BSCL2: variants seen among roughly 807,000 people sequenced by gnomAD.
The protein encoded by BSCL2 is BSCL2 lipid droplet biogenesis associated, seipin, also known as seipin.
A neutral mutation model predicts 57.4 loss-of-function variants in BSCL2; 41 were observed. The observed-to-expected ratio is 0.71, with a 90% CI of 0.56 to 0.93. BSCL2 has a LOEUF of 0.93. Among genes scored for constraint, BSCL2 ranks in the 40% least tolerant of loss-of-function variants. The probability of loss-of-function intolerance (pLI) is 0.00; values close to 1 mark genes in which losing one functional copy is unlikely to be tolerated. For missense variants in BSCL2, 539 were observed against 586.7 expected, an observed-to-expected ratio of 0.92 and a Z score of 0.84; for synonymous variants, 237 against 227.3, an observed-to-expected ratio of 1.04 and a Z score of -0.38.
Position 62,705,398 on chromosome 11 carries a change from G to A in BSCL2, c.307C>T (p.Leu103Phe). Residue 103 changes from leucine to phenylalanine, a missense_variant, in exon 2 of 11, where the codon CTC (leucine) becomes TTC (phenylalanine). Leu to Phe is a conservative substitution (Grantham distance 22). Transcript: ENST00000360796. Reference protein sequence around the residue: ...LQFGVLFCTILLLLWVSVFLY... With the variant: ...LQFGVLFCTIFLLLWVSVFLY... ...AAGACAGACACCCAGAGCAAAAGGA[G>A]GATGGTGCAGAAGAGCACCCCAAAC... 1.2e-6 allele frequency: 2 copies of A among 1,614,206 alleles called. No individual in the cohort carries two copies. Among genetic ancestry groups the A allele is most frequent in the Non-Finnish European group, 1.7e-6 (2 of 1,180,018 alleles).
At chr11:62,699,150 G>A (rs930848966) in intron 3 of BSCL2, among the ~76,000 whole-genome samples, 12 of 151,380 alleles carry the variant, frequency 7.9e-5, no homozygotes, top group East Asian at 1.9e-4. Flanking sequence ...TGATCCGCCC[G>A]CCTCGGCCTC....
intron 3 of BSCL2, among the ~76,000 whole-genome samples, chr11:62,697,115 C>T (rs1945491891): frequency 6.6e-6 from 1 of 152,106 alleles, no homozygotes; most frequent in Non-Finnish European, 1.5e-5. Flanking sequence ...TCCATGCCGG[C>T]CGGGCGCGGT....
intron 1 of BSCL2, chr11:62,706,098 C>T (rs1241463404): frequency 1.5e-5 from 8 of 518,688 alleles, no homozygotes; most frequent in African/African-American, 1.5e-4. Context: ...AGCTCGCTCA[C>T]CGACACGGCT....
Position 62,690,522 on chromosome 11 carries a change from C to T in BSCL2, c.1235-1G>A. ...GCTGCATCTTCCCAGGAGCCTGAAC[C>T]TGGGCCAGGAAAGGGAAAAACAAAA... On this transcript the variant is annotated splice_acceptor_variant, in intron 10 of 10. Coordinates refer to ENST00000360796, the MANE Select transcript of BSCL2 (RefSeq NM_001122955.4). LOFTEE classifies it high-confidence loss of function. The T allele has an allele frequency of 6.2e-7, 1 of 1,614,152 alleles. No homozygotes were observed. The highest frequency in any genetic ancestry group is 8.5e-7 in the Non-Finnish European group (1 of 1,180,016).
At chr11:62,697,273 T>C (rs1016862135) in intron 3 of BSCL2, among the ~76,000 whole-genome samples, 1 of 149,018 alleles carries the variant, frequency 6.7e-6, no homozygotes, top group Non-Finnish European at 1.5e-5. Context: ...TGGGCGCCTG[T>C]AGTCCCAGCT....
chr11:62,700,773 TGAAAC>T (rs1945614732), intron 3 of BSCL2, among the ~76,000 whole-genome samples: 1 of 152,096 alleles, frequency 6.6e-6, no homozygotes, highest in Non-Finnish European at 1.5e-5. Context: ...ACCAACATGG[TGAAAC>T]CCTGTCTCTG....
At chr11:62,691,485 T>C in intron 6 of BSCL2, 64 bp from the exon 7 acceptor site, 1 of 1,579,832 alleles carries the variant, frequency 6.3e-7, no homozygotes, top group South Asian at 1.1e-5. Flanking sequence ...CCTTCTCATG[T>C]CCCAGAAATA....
At position 62,705,330 on chromosome 11, in the gene BSCL2, G is replaced by A; in HGVS notation, c.375C>T (p.Ser125=). ...AGTAGAAATGCACAGGGCTGAGGTG[G>A]CTGACTGTCGGCATATAGGAATAGT... The part of the protein sequence containing the change: ...SFYYSYMPTV[S]HLSPVHFYYR... The change falls in exon 2 of 11, where the codon AGC becomes AGT. Residue 125 remains serine, a synonymous_variant. Coordinates refer to ENST00000360796, the MANE Select transcript of BSCL2 (RefSeq NM_001122955.4). The A allele has an allele frequency of 6.2e-7, 1 of 1,613,422 alleles. No individual in the cohort carries two copies. The highest frequency in any genetic ancestry group is 1.7e-5 in the Admixed American group (1 of 59,854).
chr11:62,699,772 G>A (rs1434370442), intron 3 of BSCL2, among the ~76,000 whole-genome samples: 3 of 145,960 alleles, frequency 2.1e-5, no homozygotes, highest in Admixed American at 7.0e-5. Context: ...TCCACCTCCC[G>A]GGTTCAAGCA....
chr11:62,693,424 A>C (rs1386573655), intron 4 of BSCL2, among the ~76,000 whole-genome samples: 1 of 152,062 alleles, frequency 6.6e-6, no homozygotes, highest in Admixed American at 6.6e-5. Flanking sequence ...GAATCGCTTG[A>C]ACCCAGGAGG....
At chr11:62,708,219 A>G (rs545380493), upstream of BSCL2, 1,042 of 923,242 alleles carry the variant, frequency 1.1e-3, 1 homozygote, top group Non-Finnish European at 1.6e-3. Context: ...ACAGCCTTGT[A>G]AAGGTTGGTG....
intron 1 of BSCL2, 142 bp from the exon 2 acceptor site, chr11:62,705,759 G>T: frequency 1.2e-6 from 1 of 845,112 alleles, no homozygotes; most frequent in Non-Finnish European, 1.8e-6. Context: ...TTCTCCAAAT[G>T]ATTGTGCCAC....
At chr11:62,703,347 GTTTTTT>G (rs541712297) in intron 2 of BSCL2, among the ~76,000 whole-genome samples, 1 of 68,774 alleles carries the variant, frequency 1.5e-5, no homozygotes, top group Non-Finnish European at 2.7e-5. Flanking sequence ...ATGCATATAC[GTTTTTT>G]TTTTTTTTTT....
At chr11:62,708,554 G>A (rs1162806274), upstream of BSCL2, 13 of 1,399,362 alleles carry the variant, frequency 9.3e-6, no homozygotes, top group South Asian at 1.6e-4. Flanking sequence ...CCTCTGGGGG[G>A]GATGAGGGAG....
rs1945309833 is a variant in BSCL2 at position 62,691,476 on chromosome 11, CT to C, written c.864-56del. 1.1e-5 allele frequency: 17 copies of C among 1,589,506 alleles called. No homozygotes were observed. The South Asian group carries it at 1.9e-4, about 18-fold the overall frequency. On this transcript the variant is annotated intron_variant, in intron 6 of 10. Coordinates refer to ENST00000360796, the MANE Select transcript of BSCL2 (RefSeq NM_001122955.4). ...GTAGCAGTTACCAGAGAGCACCAGC[CT>C]TCTCATGTCCCAGAAATAATTTCTA...
Position 62,694,599 on chromosome 11 carries a change from C to T in BSCL2, c.599G>A (p.Gly200Asp). 1 of 1,614,074 alleles carries T rather than the reference C, an allele frequency of 6.2e-7. No homozygotes were observed. The highest frequency in any genetic ancestry group is 1.1e-5 in the South Asian group (1 of 91,080). ...CGAAGAAGTGGAGATGATTCGGCCA[C>T]CTCTGGTGTAGCAGGAAATGGTGAC... is the stretch of plus-strand genomic sequence containing the variant. ...FLVTISCYTR[G>D]GRIISTSSRS... The change falls in exon 4 of 11, where the codon GGT becomes GAT. Residue 200 changes from glycine to aspartate, a missense_variant. Gly to Asp is a moderately conservative substitution (Grantham distance 94). Transcript: ENST00000360796.
chr11:62,692,319 G>A lies in BSCL2; in HGVS notation c.863+57C>T, dbSNP rs1254738533. 3.8e-6 allele frequency: 6 copies of A among 1,561,352 alleles called. No individual in the cohort carries two copies. In the Admixed American group the frequency reaches 1.0e-4, roughly 26 times the overall value. The stretch of plus-strand genomic sequence containing the variant: ...ATTACCTCTGCTTGGGACCCTCTTG[G>A]TGGAAGGTTAGCCCCCGTGAAGAGT... On this transcript the variant is annotated intron_variant, in intron 6 of 10. Coordinates refer to ENST00000360796, the MANE Select transcript of BSCL2 (RefSeq NM_001122955.4).
At chr11:62,706,497 A>C (rs1590886791) in intron 1 of BSCL2, 3 of 409,596 alleles carry the variant, frequency 7.3e-6, no homozygotes, top group Non-Finnish European at 1.4e-5. Flanking sequence ...TACCGTGACC[A>C]AAGGGGAAAG....
At position 62,690,707 on chromosome 11, in the gene BSCL2, G is replaced by C. The variant is rs1401022606; in HGVS notation, c.1154-15C>G. 1 of 1,613,834 alleles carries C rather than the reference G, an allele frequency of 6.2e-7. No homozygotes were observed. Among genetic ancestry groups the C allele is most frequent in the Admixed American group, 1.7e-5 (1 of 60,032 alleles). On this transcript the variant is annotated splice_polypyrimidine_tract_variant and intron_variant, in intron 9 of 10. Coordinates refer to ENST00000360796, the MANE Select transcript of BSCL2 (RefSeq NM_001122955.4). ...CAGCTGACCCTCTGCAGCCAAAAGG[G>C]GAATGCAGGGGTCAGACCCAGACAC... is the stretch of plus-strand genomic sequence containing the variant.
Sources: allele counts gnomAD v4.1 joint callset (sites outside exome capture counted in the v4.1 genomes callset), GRCh38; gene constraint gnomAD v4.1.1; transcripts MANE v1.5; gene names NCBI Gene and HGNC (gene_info 2026-07-23, HGNC 2026-07-21).